Variants in TLN2 observed in about 807,000 individuals in gnomAD.
TLN2 encodes talin-2.
A neutral mutation model predicts 294.7 loss-of-function variants in TLN2; 118 were observed. That is an observed-to-expected ratio of 0.40 (90% CI 0.34 to 0.47). The LOEUF is 0.47. Among genes scored for constraint, TLN2 ranks in the 20% least tolerant of loss-of-function variants. The pLI, the probability that TLN2 is intolerant of heterozygous loss-of-function variation, is 0.84. For synonymous variants in TLN2, 1,431 were observed against 1,304.5 expected (o/e 1.10, Z -2.09); for missense variants, 3,083 against 3,282.2 (o/e 0.94, Z 1.48).
chr15:62,595,310 C>T (rs541777715), intron 2 of TLN2, among the ~76,000 whole-genome samples: 14 of 149,518 alleles, frequency 9.4e-5, no homozygotes, highest in African/African-American at 2.7e-4. Context: ...ATCCCAGCTA[C>T]TTGGGAGGCT....
chr15:62,695,720 TTGATA>T (rs1399114811), intron 14 of TLN2, among the ~76,000 whole-genome samples: 2 of 152,230 alleles, frequency 1.3e-5, no homozygotes, highest in Admixed American at 6.5e-5. Flanking sequence ...GGAACCAAAC[TTGATA>T]TGATAAGTTT....
rs751231021 is a variant in TLN2 at position 62,740,528 on chromosome 15, G to A, written c.3886-102G>A. The stretch of plus-strand genomic sequence containing the variant: ...TAACTGGGTTTAATGTGATCTATAC[G>A]GATAACCTGCCTGCATGTCAGGATG... On this transcript the variant is annotated intron_variant, in intron 31 of 58. Transcript: ENST00000636159. 2.2e-5 allele frequency: 34 copies of A among 1,520,530 alleles called. No individual in the cohort carries two copies. In the Admixed American group the frequency reaches 4.2e-4, roughly 19 times the overall value. 94.2% of individuals were successfully genotyped at this position (1,520,530 alleles called of 1,614,324 possible).
At chr15:62,716,307 A>C (rs1595766715) in intron 22 of TLN2, 24 bp from the exon 23 acceptor site, 1 of 1,566,740 alleles carries the variant, frequency 6.4e-7, no homozygotes, top group East Asian at 2.3e-5. Flanking sequence ...GGACCACTTG[A>C]AATCTTTATT....
chr15:62,653,547 A>T (rs982133414), intron 7 of TLN2, among the ~76,000 whole-genome samples: 1 of 152,090 alleles, frequency 6.6e-6, no homozygotes, highest in Non-Finnish European at 1.5e-5. Flanking sequence ...AATATGGTGA[A>T]ACCTCATCTC....
Position 62,397,483 on chromosome 15 carries a change from C to G in TLN2, c.-238+6798C>G, listed in dbSNP as rs535847584. On this transcript the variant is annotated intron_variant, in intron 1 of 58. Transcript: ENST00000636159. Reference sequence around the variant, plus strand: ...CTCACTGTGTTGCCCAGAGTGGTCTCGAACTCCTGACCTCAAGTGATCCTC... The same window carrying G: ...CTCACTGTGTTGCCCAGAGTGGTCTGGAACTCCTGACCTCAAGTGATCCTC... Among the ~76,000 whole-genome samples the G allele has an allele frequency of 2.6e-5, 4 of 152,222 alleles. No homozygotes were observed. The South Asian group carries it at 8.3e-4, about 32-fold the overall frequency.
chr15:62,481,622 A>G (rs2038094301), intron 1 of TLN2, among the ~76,000 whole-genome samples: 2 of 152,098 alleles, frequency 1.3e-5, no homozygotes, highest in South Asian at 4.1e-4. Context: ...CAGTCTCCCA[A>G]AGTGCTGGGA....
intron 1 of TLN2, among the ~76,000 whole-genome samples, chr15:62,474,791 G>A (rs959283558): frequency 5.3e-5 from 8 of 152,212 alleles, no homozygotes; most frequent in Admixed American, 5.2e-4. Context: ...AGGAAAATGA[G>A]CTGTAGGTTA....
chr15:62,557,664 C>T (rs1180595662), intron 1 of TLN2, among the ~76,000 whole-genome samples: 4 of 152,184 alleles, frequency 2.6e-5, no homozygotes, highest in African/African-American at 9.6e-5. Flanking sequence ...CCCTCAGCCT[C>T]CCGAGTAGCT....
At chr15:62,425,694 G>A (rs1417807872) in intron 1 of TLN2, among the ~76,000 whole-genome samples, 1 of 152,176 alleles carries the variant, frequency 6.6e-6, no homozygotes, top group East Asian at 1.9e-4. Context: ...TACATAGGAT[G>A]TGTCCTCCTT....
chr15:62,800,716 C>T lies in TLN2; in HGVS notation c.6424C>T (p.Arg2142Trp), dbSNP rs747154764. 9.9e-6 allele frequency: 16 copies of T among 1,613,770 alleles called. No homozygotes were observed. Among genetic ancestry groups the T allele is most frequent in the African/African-American group, 9.3e-5 (7 of 74,922 alleles). Residue 2142 changes from arginine (R) to tryptophan (W), a missense_variant, in exon 50 of 59, where the codon CGG becomes TGG. By Grantham distance (101) the Arg-to-Trp change is moderately radical. Coordinates refer to ENST00000636159, the MANE Select transcript of TLN2 (RefSeq NM_015059.3). ...AAAGGCAGTGGAGGATGAGGCCACC[C>T]GGGGCACCAGGGCGCTTGAGGCCAC... ...TVKAVEDEAT[R>W]GTRALEATIE... is the part of the protein sequence containing the mutation.
At position 62,657,809 on chromosome 15, in the gene TLN2, C is replaced by T; in HGVS notation, c.699C>T (p.Ser233=). Residue 233 remains serine, a synonymous_variant, in exon 9 of 59, where the codon TCC becomes TCT. Transcript: ENST00000636159. Reference sequence around the variant, plus strand: ...TCCTGAATGGCTCTCACCCTGTCTCCTTCGAGAAAGCTTGTGAGTTTGGTG... The same window carrying T: ...TCCTGAATGGCTCTCACCCTGTCTCTTTCGAGAAAGCTTGTGAGTTTGGTG... ...DDILNGSHPV[S]FEKACEFGGF... is the part of the protein sequence containing the mutation. 9 of 1,613,864 alleles carry T rather than the reference C, an allele frequency of 5.6e-6. No individual in the cohort carries two copies. Among genetic ancestry groups the T allele is most frequent in the African/African-American group, 1.3e-5 (1 of 75,034 alleles).
At chr15:62,741,967 A>G (rs2061354272) in intron 32 of TLN2, among the ~76,000 whole-genome samples, 1 of 144,448 alleles carries the variant, frequency 6.9e-6, no homozygotes, top group Admixed American at 7.1e-5. Flanking sequence ...TCAGCACATA[A>G]GATCTCATGG....
intron 3 of TLN2, among the ~76,000 whole-genome samples, chr15:62,632,516 G>A (rs560901929): frequency 6.6e-6 from 1 of 152,160 alleles, no homozygotes; most frequent in African/African-American, 2.4e-5. Flanking sequence ...GGCAAGGCAG[G>A]ACTCCTCTCT....
At chr15:62,485,085 C>T (rs971639171) in intron 1 of TLN2, among the ~76,000 whole-genome samples, 8 of 152,172 alleles carry the variant, frequency 5.3e-5, no homozygotes, top group African/African-American at 1.9e-4. Context: ...TGTGGTATCT[C>T]TCTCTGACCC....
At chr15:62,475,812 G>T (rs1159500789) in intron 1 of TLN2, among the ~76,000 whole-genome samples, 1 of 152,204 alleles carries the variant, frequency 6.6e-6, no homozygotes, top group Non-Finnish European at 1.5e-5. Context: ...ATCTGGAACT[G>T]CAGGCTGCTT....
intron 1 of TLN2, among the ~76,000 whole-genome samples, chr15:62,399,472 C>A (rs1179335063): frequency 6.6e-6 from 1 of 152,074 alleles, no homozygotes; most frequent in Non-Finnish European, 1.5e-5. Flanking sequence ...AATAGTAGAT[C>A]CACCAACAGC....
intron 1 of TLN2, among the ~76,000 whole-genome samples, chr15:62,542,601 C>A (rs1413649347): frequency 6.6e-6 from 1 of 152,104 alleles, no homozygotes; most frequent in Non-Finnish European, 1.5e-5. Flanking sequence ...AAGACCTACC[C>A]CAGACTGATT....
At chr15:62,602,856 G>T (rs2047111827) in intron 2 of TLN2, among the ~76,000 whole-genome samples, 1 of 150,600 alleles carries the variant, frequency 6.6e-6, no homozygotes, top group South Asian at 2.1e-4. Flanking sequence ...TCTATAGCTA[G>T]AGGTGTTTGC....
At chr15:62,476,034 C>T (rs1338623503) in intron 1 of TLN2, among the ~76,000 whole-genome samples, 1 of 152,142 alleles carries the variant, frequency 6.6e-6, no homozygotes, top group Non-Finnish European at 1.5e-5. Context: ...GGGCTTAGGC[C>T]TGAGTATTTC....
Sources: gnomAD v4.1 joint callset for allele counts (sites outside exome capture counted in the v4.1 genomes callset) on GRCh38, gnomAD v4.1.1 for gene constraint, MANE v1.5 for transcripts, NCBI Gene and HGNC (gene_info 2026-07-23, HGNC 2026-07-21) for gene names.